NFIB: variants seen among roughly 807,000 people sequenced by gnomAD.
The protein encoded by NFIB is nuclear factor I B, also known as nuclear factor 1 B-type.
In NFIB, 11 loss-of-function variants were observed where a neutral mutation model predicts 61.5. The ratio of observed to expected loss-of-function variants is 0.18; its 90% CI spans 0.11 to 0.30. The LOEUF is 0.30. NFIB is among the 10% of genes least tolerant of loss of function. The pLI, the probability that NFIB is intolerant of heterozygous loss-of-function variation, is 1.00. For synonymous variants in NFIB, 260 were observed against 216.5 expected, an observed-to-expected ratio of 1.20 and a Z score of -1.76; for missense variants, 471 against 608.9, an observed-to-expected ratio of 0.77 and a Z score of 2.38.
chr9:14,240,592 A>G (rs2054251391), intron 2 of NFIB, among the ~76,000 whole-genome samples: 1 of 152,232 alleles, frequency 6.6e-6, no homozygotes, highest in South Asian at 2.1e-4. Flanking sequence ...CACAGTTTAT[A>G]AAACAAGAAC....
In NFIB at chr9:14,261,199, C is replaced by T. The variant is rs559427305; in HGVS notation, c.562+45790G>A. On this transcript the variant is annotated intron_variant, in intron 2 of 10. Transcript: ENST00000380953. ...GGGTGTGGTGGCAGGCACCTGTAAT[C>T]CCAGCTACTCAGGTGGCTGAGGCAG... 1.5e-3 allele frequency among the ~76,000 whole-genome samples: 231 copies of T among 152,208 alleles called. 1 individual carries two copies. Among genetic ancestry groups the T allele is most frequent in the African/African-American group, 5.4e-3 (226 of 41,548 alleles).
At position 14,120,742 on chromosome 9, in the gene NFIB, GA is replaced by G; in HGVS notation, c.1061-119del. The stretch of plus-strand genomic sequence containing the variant: ...GGTAACCATTCATTTTTGTCCCCAT[GA>G]TTTAACCAAGCTCTCCTAAATCAAC... On this transcript the variant is annotated intron_variant, in intron 7 of 10. Coordinates refer to ENST00000380953, the MANE Select transcript of NFIB (RefSeq NM_001190737.2). The surrounding 1 kb of genome is among the most constrained non-coding windows in gnomAD (Gnocchi z 4.4). The G allele has an allele frequency of 9.7e-7, 1 of 1,033,244 alleles. No individual in the cohort carries two copies. Among genetic ancestry groups the G allele is most frequent in the South Asian group, 1.8e-5 (1 of 56,172 alleles). The allele number at this position is 1,033,244 out of a possible 1,614,324, so 64.0% of individuals were successfully genotyped here. A position where few individuals can be genotyped will look rare whatever the true frequency, so the allele number is the denominator to read the frequency against.
chr9:14,140,865 G>C (rs1290590707), intron 6 of NFIB, among the ~76,000 whole-genome samples: 3 of 152,112 alleles, frequency 2.0e-5, no homozygotes, highest in African/African-American at 7.2e-5. Context: ...ACCTGGGGGG[G>C]TCAGGGCTAC....
At chr9:14,517,179 A>C in the NFIB span, among the ~76,000 whole-genome samples, 2 of 152,242 alleles carry the variant, frequency 1.3e-5, no homozygotes, top group Non-Finnish European at 2.9e-5. Flanking sequence ...TTGTTCCATT[A>C]CAAAGTAATC....
At chr9:14,187,005 CTGTGTGTGTGTGTGTGTGTGTATG>C (rs1329483485) in intron 2 of NFIB, among the ~76,000 whole-genome samples, 33 of 64,152 alleles carry the variant, frequency 5.1e-4, no homozygotes, top group East Asian at 8.6e-4. Context: ...TTCTTCGCTC[CTGTGTGTGTGTGTGTGTGTGTATG>C]TGTGTGTGTG....
chr9:14,462,367 C>G, the NFIB span, among the ~76,000 whole-genome samples: 1 of 151,682 alleles, frequency 6.6e-6, no homozygotes, highest in Non-Finnish European at 1.5e-5. Context: ...ACTGCAAGCT[C>G]CGCCTCCCGG....
chr9:14,222,043 G>A (rs1431547034), intron 2 of NFIB, among the ~76,000 whole-genome samples: 1 of 152,138 alleles, frequency 6.6e-6, no homozygotes, highest in Non-Finnish European at 1.5e-5. Flanking sequence ...AAATTAGAAG[G>A]TAGCAAGTTG....
the NFIB span, among the ~76,000 whole-genome samples, chr9:14,510,369 G>T: frequency 6.6e-6 from 1 of 151,878 alleles, no homozygotes; most frequent in Non-Finnish European, 1.5e-5. Flanking sequence ...CCCAATGAGA[G>T]ACCAGAAATC....
intron 1 of NFIB, among the ~76,000 whole-genome samples, chr9:14,337,086 C>T (rs1194366694): frequency 1.3e-5 from 2 of 152,172 alleles, no homozygotes; most frequent in Non-Finnish European, 2.9e-5. Context: ...ATTCGTAGCT[C>T]TCAACCCATA....
Position 14,087,094 on chromosome 9 carries a change from A to G in NFIB, c.*1215T>C, listed in dbSNP as rs1003710866. ...AAACTGTAAGCTTTACCCTTGTGAC[A>G]TGGATTTGCCTGCCTCTTTGTCTCT... On this transcript the variant is annotated 3_prime_UTR_variant, in exon 11 of 11. Coordinates refer to ENST00000380953, the MANE Select transcript of NFIB (RefSeq NM_001190737.2). The G allele has an allele frequency of 2.0e-5, 4 of 202,764 alleles. No homozygotes were observed. Among genetic ancestry groups the G allele is most frequent in the Non-Finnish European group, 4.1e-5 (4 of 98,414 alleles). 12.6% of individuals were successfully genotyped at this position (202,764 alleles called of 1,614,324 possible). A position where few individuals can be genotyped will look rare whatever the true frequency, so the allele number is the denominator to read the frequency against.
At chr9:14,410,881 AT>A in the NFIB span, among the ~76,000 whole-genome samples, 1 of 152,208 alleles carries the variant, frequency 6.6e-6, no homozygotes, top group South Asian at 2.1e-4. Flanking sequence ...TCTCATTTCT[AT>A]TGATACAGGG....
chr9:14,161,774 T>C (rs956302049), intron 3 of NFIB, among the ~76,000 whole-genome samples: 3 of 152,156 alleles, frequency 2.0e-5, no homozygotes, highest in East Asian at 1.9e-4. Context: ...ATTCTCATGA[T>C]TTCCTTAGGC....
the NFIB span, among the ~76,000 whole-genome samples, chr9:14,443,982 T>G: frequency 3.3e-5 from 5 of 152,212 alleles, no homozygotes; most frequent in African/African-American, 1.2e-4. Flanking sequence ...TCAGTGTGTG[T>G]CCCCAAACTA....
chr9:14,228,020 T>A (rs1181553305), intron 2 of NFIB, among the ~76,000 whole-genome samples: 2 of 152,200 alleles, frequency 1.3e-5, no homozygotes, highest in African/African-American at 4.8e-5. Context: ...CATTTACTCT[T>A]CCTTTAATCA....
At chr9:14,370,763 C>T (rs1414832050) in intron 1 of NFIB, among the ~76,000 whole-genome samples, 2 of 152,192 alleles carry the variant, frequency 1.3e-5, no homozygotes, top group Admixed American at 1.3e-4. Context: ...TTTTTGACCC[C>T]TGCTCTTCTG....
intron 2 of NFIB, among the ~76,000 whole-genome samples, chr9:14,222,661 G>T (rs1026565740): frequency 6.6e-6 from 1 of 151,808 alleles, no homozygotes; most frequent in Non-Finnish European, 1.5e-5. Flanking sequence ...CAGGCATGGT[G>T]GCACACACCT....
intron 10 of NFIB, among the ~76,000 whole-genome samples, chr9:14,097,204 C>T (rs1034200308): frequency 6.6e-6 from 1 of 151,992 alleles, no homozygotes; most frequent in East Asian, 1.9e-4. Flanking sequence ...TAGTTAGCAG[C>T]CCCTTTACCA....
chr9:14,184,829 T>C (rs981529941), intron 2 of NFIB, among the ~76,000 whole-genome samples: 1 of 152,146 alleles, frequency 6.6e-6, no homozygotes, highest in African/African-American at 2.4e-5. Context: ...GAGACCAGCC[T>C]GGCCAACGTG....
upstream of NFIB, among the ~76,000 whole-genome samples, chr9:14,314,985 C>T (rs550245066): frequency 1.3e-5 from 2 of 152,036 alleles, no homozygotes; most frequent in South Asian, 4.1e-4. Context: ...TGGAAAATTC[C>T]CTCACACCCA....
Sources: gnomAD v4.1 joint callset for allele counts (sites outside exome capture counted in the v4.1 genomes callset) on GRCh38, gnomAD v4.1.1 for gene constraint, Gnocchi (gnomAD v3.1) non-coding constraint, MANE v1.5 for transcripts, NCBI Gene and HGNC (gene_info 2026-07-23, HGNC 2026-07-21) for gene names.